The following PCYT2 variants were observed in gnomAD, a reference collection of about 807,000 sequenced individuals.
PCYT2 encodes the protein ethanolamine-phosphate cytidylyltransferase.
PCYT2 carries 33 observed loss-of-function variants against 50.0 expected under a neutral mutation model. That is an observed-to-expected ratio of 0.66 (90% confidence interval 0.50 to 0.88). PCYT2 has a LOEUF of 0.88. PCYT2 is among the 40% of genes least tolerant of loss of function. The pLI, the probability that PCYT2 is intolerant of heterozygous loss-of-function variation, is 0.00. For missense variants in PCYT2, 430 were observed against 519.7 expected, an observed-to-expected ratio of 0.83 and a Z score of 1.68; for synonymous variants, 240 against 203.7, an observed-to-expected ratio of 1.18 and a Z score of -1.52.
Position 81,908,998 on chromosome 17 carries a change from T to C in PCYT2, c.218A>G (p.Gln73Arg), listed in dbSNP as rs772469030. Reference protein sequence around the residue: ...AKHKGPPVFTQEERYKMVQAI... With the variant: ...AKHKGPPVFTREERYKMVQAI... ...CTGCACCATCTTGTATCTCTCCTCCTGAGTGAACACCGGGGGCCCCTTGTG... is the reference window on the plus strand; with the variant it reads ...CTGCACCATCTTGTATCTCTCCTCCCGAGTGAACACCGGGGGCCCCTTGTG... The change falls in exon 3 of 13, where the codon CAG (glutamine) becomes CGG (arginine). Residue 73 changes from glutamine to arginine, a missense_variant. This residue lies in a region of PCYT2 where 117 missense variants were observed against 163.9 expected (regional missense o/e 0.71). Coordinates refer to ENST00000538936, the MANE Select transcript of PCYT2 (RefSeq NM_002861.5). 6.2e-7 allele frequency: 1 copy of C among 1,613,952 alleles called. No individual in the cohort carries two copies. The highest frequency in any genetic ancestry group is 8.5e-7 in the Non-Finnish European group (1 of 1,179,974).
intron 1 of PCYT2, chr17:81,910,800 G>A (rs756354223): frequency 2.1e-5 from 16 of 747,084 alleles, no homozygotes; most frequent in Non-Finnish European, 2.6e-5. Flanking sequence ...CCTCTGACTG[G>A]CCAGGGAAGA....
Position 81,902,538 on chromosome 17 carries a change from G to A in PCYT2, c.*2295C>T, listed in dbSNP as rs770427689. 4.1e-6 allele frequency: 6 copies of A among 1,466,164 alleles called. No homozygotes were observed. In the South Asian group the frequency reaches 5.2e-5, roughly 13 times the overall value. 90.8% of individuals were successfully genotyped at this position (1,466,164 alleles called of 1,614,324 possible). A position where few individuals can be genotyped will look rare whatever the true frequency, so the allele number is the denominator to read the frequency against. On this transcript the variant is annotated 3_prime_UTR_variant, in exon 13 of 13. Transcript: ENST00000538936. ...GGCTGCGGAGCCTCGTGAGTCCGGC[G>A]TGCCGGGGACTGATGGGGGGCGGCG...
At position 81,902,167 on chromosome 17, in the gene PCYT2, C is replaced by G. The variant is rs1326659151; in HGVS notation, c.*2666G>C. The G allele has an allele frequency of 1.9e-6, 2 of 1,052,646 alleles. No homozygotes were observed. The highest frequency in any genetic ancestry group is 7.6e-5 in the East Asian group (2 of 26,162). 65.2% of individuals were successfully genotyped at this position (1,052,646 alleles called of 1,614,324 possible). A position where few individuals can be genotyped will look rare whatever the true frequency, so the allele number is the denominator to read the frequency against. On this transcript the variant is annotated 3_prime_UTR_variant, in exon 13 of 13. Coordinates refer to ENST00000538936, the MANE Select transcript of PCYT2 (RefSeq NM_002861.5). ...CGCTGCACCCCAGCCCGCCCGCCGC[C>G]CCTCCCGGCCCTCCGCAGCCTCGGC...
chr17:81,902,218 GC>G lies in PCYT2; in HGVS notation c.*2614del. The G allele has an allele frequency of 4.1e-6, 5 of 1,210,006 alleles. No homozygotes were observed. Among genetic ancestry groups the G allele is most frequent in the Non-Finnish European group, 5.1e-6 (5 of 973,882 alleles). The allele number at this position is 1,210,006 out of a possible 1,614,324, so 75.0% of individuals were successfully genotyped here. On this transcript the variant is annotated 3_prime_UTR_variant, in exon 13 of 13. Coordinates refer to ENST00000538936, the MANE Select transcript of PCYT2 (RefSeq NM_002861.5). ...CCGCCCTCGCCGCAGATATAAGGCG[GC>G]CCAGGCGGTGGCTGCTCCGAGCCCG... is the stretch of plus-strand genomic sequence containing the variant.
chr17:81,905,595 G>A (rs2040217566), intron 10 of PCYT2, 75 bp downstream of exon 10: 4 of 1,510,590 alleles, frequency 2.6e-6, no homozygotes, highest in Non-Finnish European at 3.7e-6. Flanking sequence ...GGAGCCCACA[G>A]CCAGCCTGCA....
rs995138069 is a variant in PCYT2, at chr17:81,909,417, C to G, written c.178+97G>C. 8 of 1,482,718 alleles carry G rather than the reference C, an allele frequency of 5.4e-6. No homozygotes were observed. In the African/African-American group the frequency reaches 1.1e-4, roughly 20 times the overall value. 91.8% of individuals were successfully genotyped at this position (1,482,718 alleles called of 1,614,324 possible). A position where few individuals can be genotyped will look rare whatever the true frequency, so the allele number is the denominator to read the frequency against. ...CAGTGCCCTCCCCTACAGCTGTGCC[C>G]TGGCAAGGTGGCCCCAGGCCTGCAG... On this transcript the variant is annotated intron_variant, in intron 2 of 12. Coordinates refer to ENST00000538936, the MANE Select transcript of PCYT2 (RefSeq NM_002861.5).
Position 81,902,863 on chromosome 17 carries a change from C to T in PCYT2, c.*1970G>A. 1.1e-6 allele frequency: 1 copy of T among 898,422 alleles called. No homozygotes were observed. The highest frequency in any genetic ancestry group is 1.7e-5 in the African/African-American group (1 of 57,254). The allele number at this position is 898,422 out of a possible 1,614,324, so 55.7% of individuals were successfully genotyped here. A position where few individuals can be genotyped will look rare whatever the true frequency, so the allele number is the denominator to read the frequency against. Reference sequence around the variant, plus strand: ...CAGGTCTCCCCTACTCCGCTCACCCCGCAGTTAATGGCAAACGAATAAATA... The same window carrying T: ...CAGGTCTCCCCTACTCCGCTCACCCTGCAGTTAATGGCAAACGAATAAATA... On this transcript the variant is annotated 3_prime_UTR_variant, in exon 13 of 13. Transcript: ENST00000538936.
rs1433284706 is a variant in PCYT2 at position 81,902,453 on chromosome 17, A to G, written c.*2380T>C. 1 of 1,384,374 alleles carries G rather than the reference A, an allele frequency of 7.2e-7. No individual in the cohort carries two copies. The highest frequency in any genetic ancestry group is 9.3e-7 in the Non-Finnish European group (1 of 1,078,848). The allele number at this position is 1,384,374 out of a possible 1,614,324, so 85.8% of individuals were successfully genotyped here. A position where few individuals can be genotyped will look rare whatever the true frequency, so the allele number is the denominator to read the frequency against. On this transcript the variant is annotated 3_prime_UTR_variant, in exon 13 of 13. Coordinates refer to ENST00000538936, the MANE Select transcript of PCYT2 (RefSeq NM_002861.5). ...CCGTACGCGCGGCGCTCCCAGCCCTACAGAGGGGCGGAACCCCCGGGCGGG... is the reference window on the plus strand; with the variant it reads ...CCGTACGCGCGGCGCTCCCAGCCCTGCAGAGGGGCGGAACCCCCGGGCGGG...
chr17:81,908,254 G>A (rs1405690107), intron 4 of PCYT2, among the ~76,000 whole-genome samples: 1 of 152,228 alleles, frequency 6.6e-6, no homozygotes, highest in Admixed American at 6.5e-5. Context: ...TCATGTCCCT[G>A]ACGTCTGGTA....
rs146308482 is a variant in PCYT2, at chr17:81,905,089, G to A, written c.1035C>T (p.Ile345=). The A allele has an allele frequency of 1.0e-4, 164 of 1,612,814 alleles. No individual in the cohort carries two copies. The African/African-American group carries it at 1.8e-3, about 17-fold the overall frequency. The change falls in exon 12 of 13, where the codon ATC becomes ATT. Residue 345 remains isoleucine, a synonymous_variant. Coordinates refer to ENST00000538936, the MANE Select transcript of PCYT2 (RefSeq NM_002861.5). ...ACCTGTTGGTGATGATCCGCTGGACGATGAGGTCTGTGGTGAGGTTGCTGC... is the reference window on the plus strand; with the variant it reads ...ACCTGTTGGTGATGATCCGCTGGACAATGAGGTCTGTGGTGAGGTTGCTGC... ...DSGSNLTTDL[I]VQRIITNRLE...
rs575594594 is a variant in PCYT2, at chr17:81,906,034, C to A, written c.837+66G>T. On this transcript the variant is annotated intron_variant, in intron 9 of 12. Coordinates refer to ENST00000538936, the MANE Select transcript of PCYT2 (RefSeq NM_002861.5). ...CCCCCCTGCCCTGGCTCAGGGAGGC[C>A]CTTAGTAGGGGGGATGTTGTGGGAA... 1.2e-4 allele frequency: 175 copies of A among 1,436,230 alleles called. No homozygotes were observed. In the African/African-American group the frequency reaches 2.2e-3, roughly 18 times the overall value. The allele number at this position is 1,436,230 out of a possible 1,614,324, so 89.0% of individuals were successfully genotyped here.
At chr17:81,909,381 G>C in intron 2 of PCYT2, 133 bp downstream of exon 2, 1 of 1,439,592 alleles carries the variant, frequency 6.9e-7, no homozygotes, top group Non-Finnish European at 9.3e-7. Context: ...GGGCTGGGCT[G>C]GGTGAGCCTA....
intron 1 of PCYT2, chr17:81,910,839 G>A (rs1000005344): frequency 1.6e-5 from 15 of 966,906 alleles, no homozygotes; most frequent in Admixed American, 6.2e-5. Context: ...CGCGGAGGAG[G>A]ACCCGGGAGC....
Position 81,905,712 on chromosome 17 carries a change from T to C in PCYT2, c.861A>G (p.Gly287=), listed in dbSNP as rs2040226347. 6.2e-7 allele frequency: 1 copy of C among 1,613,546 alleles called. No individual in the cohort carries two copies. Among genetic ancestry groups the C allele is most frequent in the Non-Finnish European group, 8.5e-7 (1 of 1,179,950 alleles). ...ACRYVSEVVI[G]APYAVTAELL... ...GCTCTGCTGTGACCGCGTACGGGGC[T>C]CCAATCACCACTTCTGACACGTACT... The change falls in exon 10 of 13, where the codon GGA becomes GGG. Residue 287 remains glycine, a synonymous_variant. Transcript: ENST00000538936.
chr17:81,904,972 G>T, intron 12 of PCYT2, 28 bp from the exon 13 acceptor site: 1 of 1,596,336 alleles, frequency 6.3e-7, no homozygotes, highest in Non-Finnish European at 8.6e-7. Context: ...GTCTAGCAGA[G>T]AGCGCCCATG....
chr17:81,909,405 T>G (rs1037995326), intron 2 of PCYT2, 109 bp downstream of exon 2: 6 of 1,452,482 alleles, frequency 4.1e-6, no homozygotes, highest in Non-Finnish European at 5.6e-6. Context: ...TGCCCTCCCC[T>G]ACAGCTGTGC....
Position 81,901,292 on chromosome 17 carries a change from G to A in PCYT2, c.*3541C>T, listed in dbSNP as rs2039944613. ...TGCCTGCTTGTATCCTGGCTGTGCTGGCAGCCGATTAGGTGGTGCCCACCT... is the reference window on the plus strand; with the variant it reads ...TGCCTGCTTGTATCCTGGCTGTGCTAGCAGCCGATTAGGTGGTGCCCACCT... On this transcript the variant is annotated 3_prime_UTR_variant, in exon 13 of 13. Transcript: ENST00000538936. 6.6e-6 allele frequency: 1 copy of A among 152,240 alleles called. No individual in the cohort carries two copies. Among genetic ancestry groups the A allele is most frequent in the Non-Finnish European group, 1.5e-5 (1 of 68,058 alleles). 9.4% of individuals were successfully genotyped at this position (152,240 alleles called of 1,614,324 possible).
At position 81,906,495 on chromosome 17, in the gene PCYT2, G is replaced by A. The variant is rs772643238; in HGVS notation, c.728C>T (p.Pro243Leu). The A allele has an allele frequency of 6.2e-7, 1 of 1,613,500 alleles. No individual in the cohort carries two copies. Among genetic ancestry groups the A allele is most frequent in the South Asian group, 1.1e-5 (1 of 91,090 alleles). The change falls in exon 8 of 13, where the codon CCC (proline) becomes CTC (leucine). Residue 243 changes from proline (P) to leucine (L), a missense_variant. Transcript: ENST00000538936. ...AAAGTGTAAGCCCGCGATGATGTAG[G>A]GCCTCTCTGCCAGCCTGTGCACCTT... ...LEKVHRLAER[P>L]YIIAGLHFDQ...
chr17:81,904,585 A>G lies in PCYT2; in HGVS notation c.*248T>C, dbSNP rs2040134518. ...GCAGGAGCGGTGCGTTTCAGGCTGC[A>G]GGTGCCGTCTGCCCGTCTCACTTCC... On this transcript the variant is annotated 3_prime_UTR_variant, in exon 13 of 13. Transcript: ENST00000538936. 5 of 494,212 alleles carry G rather than the reference A, an allele frequency of 1.0e-5. No homozygotes were observed. The South Asian group carries it at 1.3e-4, about 13-fold the overall frequency. The allele number at this position is 494,212 out of a possible 1,614,324, so 30.6% of individuals were successfully genotyped here. A position where few individuals can be genotyped will look rare whatever the true frequency, so the allele number is the denominator to read the frequency against.
Sources: gnomAD v4.1 joint callset for allele counts (sites outside exome capture counted in the v4.1 genomes callset) on GRCh38, gnomAD v4.1.1 for gene constraint, gnomAD v4.1.1 regional missense constraint, MANE v1.5 for transcripts, NCBI Gene and HGNC (gene_info 2026-07-23, HGNC 2026-07-21) for gene names.